MYRIP: variants seen among roughly 807,000 people sequenced by gnomAD.
MYRIP encodes myosin VIIA and Rab interacting protein, also known as rab effector MyRIP.
A neutral mutation model predicts 98.0 loss-of-function variants in MYRIP; 49 were observed. The observed-to-expected ratio is 0.50, with a 90% CI of 0.40 to 0.63. MYRIP has a LOEUF of 0.63. Ranked by LOEUF, MYRIP falls within the 30% of genes least tolerant of loss-of-function variation. MYRIP has a pLI of 0.00. For synonymous variants in MYRIP, 404 were observed against 409.5 expected (o/e 0.99, Z 0.16); for missense variants, 1,004 against 1,058.2 (o/e 0.95, Z 0.71).
intron 3 of MYRIP, among the ~76,000 whole-genome samples, chr3:40,119,014 A>G (rs1272934634): frequency 4.6e-5 from 7 of 152,026 alleles, no homozygotes; most frequent in Admixed American, 4.6e-4. Context: ...AGTCTTTGCT[A>G]TTATGAATAA....
At chr3:40,131,714 T>C (rs1949645916) in intron 3 of MYRIP, among the ~76,000 whole-genome samples, 1 of 152,248 alleles carries the variant, frequency 6.6e-6, no homozygotes, top group African/African-American at 2.4e-5. Context: ...TACATTTTGC[T>C]ACATTATCTT....
intron 2 of MYRIP, among the ~76,000 whole-genome samples, chr3:39,918,741 G>A (rs1209941703): frequency 6.6e-6 from 1 of 152,150 alleles, no homozygotes; most frequent in Non-Finnish European, 1.5e-5. Context: ...GAAAGAATGG[G>A]GACTCAGAGC....
intron 3 of MYRIP, chr3:40,100,199 G>A (rs1038364757): frequency 2.3e-5 from 23 of 985,394 alleles, no homozygotes; most frequent in East Asian, 1.1e-4. Context: ...CTCAAGACAC[G>A]TGAGCTAAAT....
intron 11 of MYRIP, among the ~76,000 whole-genome samples, chr3:40,227,364 A>G (rs909354043): frequency 1.3e-5 from 2 of 152,148 alleles, no homozygotes; most frequent in African/African-American, 4.8e-5. Context: ...AAAAACCGGG[A>G]AACAACAGAA....
intron 2 of MYRIP, among the ~76,000 whole-genome samples, chr3:39,982,009 C>T (rs1945908630): frequency 6.6e-6 from 1 of 152,144 alleles, no homozygotes; most frequent in Admixed American, 6.6e-5. Flanking sequence ...AAACACATGA[C>T]TATAGTAAAC....
chr3:39,854,491 A>C (rs913459222), intron 1 of MYRIP, among the ~76,000 whole-genome samples: 1 of 151,854 alleles, frequency 6.6e-6, no homozygotes, highest in Non-Finnish European at 1.5e-5. Context: ...AGAAGTTGTG[A>C]TTGTTTTTTC....
At chr3:39,926,617 C>T (rs1024816682) in intron 2 of MYRIP, among the ~76,000 whole-genome samples, 2 of 151,966 alleles carry the variant, frequency 1.3e-5, no homozygotes, top group African/African-American at 4.8e-5. Flanking sequence ...TTCTTTTTGT[C>T]AACTTTATCA....
chr3:40,119,346 T>A (rs1017153825), intron 3 of MYRIP, among the ~76,000 whole-genome samples: 1 of 152,242 alleles, frequency 6.6e-6, no homozygotes, highest in African/African-American at 2.4e-5. Flanking sequence ...TATTTACTGA[T>A]AAGAAATATC....
intron 1 of MYRIP, among the ~76,000 whole-genome samples, chr3:39,860,406 C>A (rs1942434395): frequency 6.6e-6 from 1 of 152,198 alleles, no homozygotes; most frequent in Admixed American, 6.5e-5. Flanking sequence ...ATCATGAATG[C>A]CCATTGCCCA....
At chr3:39,933,630 A>G (rs1367823613) in intron 2 of MYRIP, among the ~76,000 whole-genome samples, 2 of 152,216 alleles carry the variant, frequency 1.3e-5, no homozygotes, top group African/African-American at 2.4e-5. Flanking sequence ...TTTTAAAACG[A>G]CATCTCATAA....
At chr3:39,979,047 G>A (rs1195473415) in intron 2 of MYRIP, among the ~76,000 whole-genome samples, 3 of 152,072 alleles carry the variant, frequency 2.0e-5, no homozygotes, top group African/African-American at 4.8e-5. Flanking sequence ...GTGTTGACTC[G>A]TGAATGAAAA....
chr3:40,002,874 A>G (rs1204267299), intron 2 of MYRIP, among the ~76,000 whole-genome samples: 2 of 152,136 alleles, frequency 1.3e-5, no homozygotes, highest in Non-Finnish European at 2.9e-5. Flanking sequence ...ATAAGTGTCT[A>G]TATATCTCTC....
intron 2 of MYRIP, among the ~76,000 whole-genome samples, chr3:40,002,781 GATATAA>G (rs1253226048): frequency 2.6e-5 from 4 of 152,028 alleles, no homozygotes; most frequent in Admixed American, 1.3e-4. Context: ...TATAGGTATA[GATATAA>G]ATAGATATGT....
At chr3:40,198,464 T>C (rs970085680) in intron 10 of MYRIP, among the ~76,000 whole-genome samples, 1 of 152,218 alleles carries the variant, frequency 6.6e-6, no homozygotes, top group African/African-American at 2.4e-5. Context: ...GTGAGCCTTA[T>C]ATTTAATAAA....
chr3:40,193,335 A>G (rs1262237107), intron 10 of MYRIP, among the ~76,000 whole-genome samples: 3 of 152,196 alleles, frequency 2.0e-5, no homozygotes, highest in African/African-American at 7.2e-5. Context: ...TGTCCAGACA[A>G]TTCTAAGCAA....
Position 39,898,485 on chromosome 3 carries a change from C to A in MYRIP, c.-30-2302C>A, listed in dbSNP as rs542697397. ...GCAACCATGCTTGGGGTCTCCTATT[C>A]TTAATCATTACAGGCTAGAAAAAGG... On this transcript the variant is annotated intron_variant, in intron 1 of 16. Coordinates refer to ENST00000302541, the MANE Select transcript of MYRIP (RefSeq NM_015460.4). Among the ~76,000 whole-genome samples, 4 of 152,164 alleles carry A rather than the reference C, an allele frequency of 2.6e-5. No individual in the cohort carries two copies. In the South Asian group the frequency reaches 8.3e-4, roughly 32 times the overall value.
intron 4 of MYRIP, among the ~76,000 whole-genome samples, chr3:40,159,382 T>C (rs1401256313): frequency 6.6e-6 from 1 of 152,264 alleles, no homozygotes; most frequent in African/African-American, 2.4e-5. Context: ...TCTGATGGGC[T>C]TCCCTTTGAG....
Position 40,251,975 on chromosome 3 carries a change from G to C in MYRIP, c.2523G>C (p.Arg841Ser). ...CCTCAACAAACAGGACTAAGGAAAG[G>C]AAAGGCACCACCAAGGATTTGATGG... ...QGSSTNRTKE[R>S]KGTTKDLMEP... Residue 841 changes from arginine to serine, a missense_variant, in exon 16 of 17, where the codon AGG becomes AGC. By Grantham distance (110) the Arg-to-Ser change is moderately radical (BLOSUM62 -1). This residue lies in a region of MYRIP where 108 missense variants were observed against 111.1 expected (regional missense o/e 0.97). Coordinates refer to ENST00000302541, the MANE Select transcript of MYRIP (RefSeq NM_015460.4). The C allele has an allele frequency of 4.3e-6, 7 of 1,611,566 alleles. No homozygotes were observed. The highest frequency in any genetic ancestry group is 5.9e-6 in the Non-Finnish European group (7 of 1,177,818).
chr3:40,202,841 C>A (rs9813909), intron 10 of MYRIP, among the ~76,000 whole-genome samples: 125,900 of 152,040 alleles, frequency 0.83, 53,326 homozygotes, highest in Non-Finnish European at 0.91. Flanking sequence ...GTGTGCTCAG[C>A]AGTGAGAAAT....
Sources: allele counts gnomAD v4.1 joint callset (sites outside exome capture counted in the v4.1 genomes callset), GRCh38; gene constraint gnomAD v4.1.1; regional missense constraint gnomAD v4.1.1; transcripts MANE v1.5; gene names NCBI Gene and HGNC (gene_info 2026-07-23, HGNC 2026-07-21).